The following EPC1 variants were observed in gnomAD, a reference collection of about 807,000 sequenced individuals.
EPC1 encodes enhancer of polycomb homolog 1.
Under a neutral mutation model 98.4 loss-of-function variants are expected in EPC1, and 12 were observed. The observed-to-expected ratio is 0.12, with a 90% CI of 0.08 to 0.20. The LOEUF (loss-of-function observed/expected upper bound fraction) is 0.20, where lower values mean the gene tolerates loss of function less well. EPC1 is among the 10% of genes least tolerant of loss of function. The pLI is 1.00. For synonymous variants in EPC1, 357 were observed against 363.9 expected (o/e 0.98, Z 0.21); for missense variants, 729 against 990.5 (o/e 0.74, Z 3.54).
At chr10:32,357,621 G>C (rs1258362735) in intron 1 of EPC1, among the ~76,000 whole-genome samples, 1 of 152,036 alleles carries the variant, frequency 6.6e-6, no homozygotes, top group Non-Finnish European at 1.5e-5. Context: ...ACCATGTCTG[G>C]ATAATTTTTT....
rs58143215 is a variant in EPC1, at chr10:32,272,749, A to G, written c.1863+414T>C. 6.8e-3 allele frequency among the ~76,000 whole-genome samples: 1,034 copies of G among 152,316 alleles called. 15 individuals carry two copies. Among genetic ancestry groups the G allele is most frequent in the African/African-American group, 0.022 (912 of 41,562 alleles). On this transcript the variant is annotated intron_variant, in intron 11 of 13. Coordinates refer to ENST00000319778, the MANE Select transcript of EPC1 (RefSeq NM_001272004.3). The stretch of plus-strand genomic sequence containing the variant: ...TCAAACCTCAGCCTTTATGCCCTAC[A>G]TGTGTTTAACTGGCAAACGTTTATC...
intron 2 of EPC1, among the ~76,000 whole-genome samples, chr10:32,301,978 T>C (rs1160580365): frequency 1.3e-5 from 2 of 151,700 alleles, no homozygotes; most frequent in African/African-American, 4.8e-5. Context: ...TAAGAAATGG[T>C]AGAAAAATTT....
rs549782064 is a variant in EPC1, at chr10:32,331,751, G to C, written c.153+15012C>G. Among the ~76,000 whole-genome samples the C allele has an allele frequency of 2.6e-4, 40 of 152,310 alleles. 2 individuals are homozygous for C. The South Asian group carries it at 5.4e-3, about 20-fold the overall frequency. Reference sequence around the variant, plus strand: ...ATGTTTGTAAATTCTACAGTATTTAGCATTATACTTTGTAAACATAAGTTT... The same window carrying C: ...ATGTTTGTAAATTCTACAGTATTTACCATTATACTTTGTAAACATAAGTTT... On this transcript the variant is annotated intron_variant, in intron 1 of 13. Transcript: ENST00000319778.
chr10:32,321,622 G>A (rs1836925489), intron 1 of EPC1, among the ~76,000 whole-genome samples: 1 of 151,734 alleles, frequency 6.6e-6, no homozygotes, highest in Non-Finnish European at 1.5e-5. Context: ...ATGACTGAGA[G>A]AAGAGGGAAG....
At chr10:32,312,459 A>G (rs1320378718) in intron 1 of EPC1, among the ~76,000 whole-genome samples, 1 of 152,224 alleles carries the variant, frequency 6.6e-6, no homozygotes, top group Non-Finnish European at 1.5e-5. Context: ...AAAACAATCT[A>G]AAGTATAGAT....
upstream of EPC1, among the ~76,000 whole-genome samples, chr10:32,348,831 C>T (rs774250589): frequency 3.9e-5 from 6 of 152,170 alleles, no homozygotes; most frequent in Non-Finnish European, 8.8e-5. Flanking sequence ...GCCCAGGCCA[C>T]TGTGGGAAGG....
At chr10:32,272,925 C>T (rs879120756) in intron 11 of EPC1, 47 of 1,090,472 alleles carry the variant, frequency 4.3e-5, no homozygotes, top group South Asian at 1.4e-4. Flanking sequence ...ACAGGTCAGA[C>T]GGGAAGACAG....
chr10:32,305,949 C>G lies in EPC1; in HGVS notation c.154-18G>C, dbSNP rs762823757. On this transcript the variant is annotated intron_variant, in intron 1 of 13. Transcript: ENST00000319778. Reference sequence around the variant, plus strand: ...TGATGTTCCTAAAAAGAAGAAAAAACAGGTAAGTTCATGTATTTTTAAAAA... The same window carrying G: ...TGATGTTCCTAAAAAGAAGAAAAAAGAGGTAAGTTCATGTATTTTTAAAAA... 3 of 1,587,254 alleles carry G rather than the reference C, an allele frequency of 1.9e-6. No homozygotes were observed. In the South Asian group the frequency reaches 3.5e-5, roughly 18 times the overall value.
At chr10:32,286,580 A>T in intron 9 of EPC1, 114 bp downstream of exon 9, 1 of 1,245,226 alleles carries the variant, frequency 8.0e-7, no homozygotes, top group East Asian at 2.4e-5. Flanking sequence ...ATCAGTTAAG[A>T]ATAGCAAATA....
chr10:32,286,993 G>C lies in EPC1; in HGVS notation c.1175C>G (p.Ala392Gly). 1 of 1,614,122 alleles carries C rather than the reference G, an allele frequency of 6.2e-7. No individual in the cohort carries two copies. The highest frequency in any genetic ancestry group is 8.5e-7 in the Non-Finnish European group (1 of 1,180,012). Reference protein sequence around the residue: ...LSQVLSGSSEAEEDNDPDGPF... With the variant: ...LSQVLSGSSEGEEDNDPDGPF... ...ACCATCAGGATCATTGTCTTCCTCA[G>C]CTTCCGAAGAGCCAGACAAAACCTT... The change falls in exon 8 of 14, where the codon GCT (alanine) becomes GGT (glycine). Residue 392 changes from alanine to glycine, a missense_variant. This residue lies in a region of EPC1 where 390 missense variants were observed against 438.6 expected (regional missense o/e 0.89). Transcript: ENST00000319778.
intron 1 of EPC1, among the ~76,000 whole-genome samples, chr10:32,353,327 T>A (rs1019191209): frequency 1.3e-5 from 2 of 152,100 alleles, no homozygotes; most frequent in Non-Finnish European, 2.9e-5. Context: ...AAGGGTTTCA[T>A]TGTTTTTGAA....
intron 1 of EPC1, 52 bp downstream of exon 1, chr10:32,346,711 C>A: frequency 6.4e-7 from 1 of 1,558,246 alleles, no homozygotes. Context: ...CCGCCGCAGG[C>A]AGCAGAGGGA....
At chr10:32,288,772 G>C (rs1458362602) in intron 6 of EPC1, among the ~76,000 whole-genome samples, 1 of 152,092 alleles carries the variant, frequency 6.6e-6, no homozygotes, top group Non-Finnish European at 1.5e-5. Flanking sequence ...GTAGGGCTCA[G>C]AGGGGGGGAC....
In EPC1 at chr10:32,299,101, G is replaced by A. The variant is rs569209894; in HGVS notation, c.314-5364C>T. ...CATACGCACATGTGCTCGTGCTTGTGTGCACTTTCATTATGCAGGCTCACT... is the reference window on the plus strand; with the variant it reads ...CATACGCACATGTGCTCGTGCTTGTATGCACTTTCATTATGCAGGCTCACT... On this transcript the variant is annotated intron_variant, in intron 2 of 13. Transcript: ENST00000319778. Among the ~76,000 whole-genome samples the A allele has an allele frequency of 7.6e-4, 115 of 152,286 alleles. 1 individual carries two copies. The highest frequency in any genetic ancestry group is 2.8e-3 in the African/African-American group (115 of 41,556).
chr10:32,316,885 C>T (rs953048532), intron 1 of EPC1, among the ~76,000 whole-genome samples: 16 of 152,086 alleles, frequency 1.1e-4, no homozygotes, highest in East Asian at 1.9e-4. Flanking sequence ...AACATGCACT[C>T]ATGTGTAATT....
chr10:32,308,652 T>C (rs1836014907), intron 1 of EPC1, among the ~76,000 whole-genome samples: 1 of 152,198 alleles, frequency 6.6e-6, no homozygotes, highest in Admixed American at 6.5e-5. Context: ...TTAAAAATGT[T>C]CCCACAGGAA....
intron 2 of EPC1, among the ~76,000 whole-genome samples, chr10:32,296,505 T>C (rs1835167427): frequency 6.6e-6 from 1 of 152,232 alleles, no homozygotes; most frequent in Admixed American, 6.5e-5. Context: ...TTCTATCATA[T>C]GAATCAAGGA....
intron 1 of EPC1, among the ~76,000 whole-genome samples, chr10:32,361,869 T>C (rs147074634): frequency 0.011 from 1,624 of 152,208 alleles, 32 homozygotes; most frequent in African/African-American, 0.037. Flanking sequence ...CAGCACAAGA[T>C]ACAGGTCATA....
rs1466537209 is a variant in EPC1, at chr10:32,322,876, CA to C, written c.154-16946del. Among the ~76,000 whole-genome samples the C allele has an allele frequency of 4.0e-5, 6 of 151,808 alleles. No individual in the cohort carries two copies. The East Asian group carries it at 1.2e-3, about 29-fold the overall frequency. Reference sequence around the variant, plus strand: ...ATAAAGAAGGGATGATTAACGGGTACAAAAACACAGTTAGATGGAATAAGAT... The same window carrying C: ...ATAAAGAAGGGATGATTAACGGGTACAAAACACAGTTAGATGGAATAAGAT... On this transcript the variant is annotated intron_variant, in intron 1 of 13. Coordinates refer to ENST00000319778, the MANE Select transcript of EPC1 (RefSeq NM_001272004.3).
Sources: gnomAD v4.1 joint callset for allele counts (sites outside exome capture counted in the v4.1 genomes callset) on GRCh38, gnomAD v4.1.1 for gene constraint, gnomAD v4.1.1 regional missense constraint, MANE v1.5 for transcripts, NCBI Gene and HGNC (gene_info 2026-07-23, HGNC 2026-07-21) for gene names.